Variants in BTG4 observed in about 807,000 individuals in gnomAD.
BTG4 encodes BTG anti-proliferation factor 4.
In BTG4, 10 loss-of-function variants were observed where a neutral mutation model predicts 19.3. The observed-to-expected ratio is 0.52, with a 90% CI of 0.32 to 0.88. The LOEUF (loss-of-function observed/expected upper bound fraction) is 0.88, where lower values mean the gene tolerates loss of function less well. BTG4 is among the 40% of genes least tolerant of loss of function. The probability of loss-of-function intolerance (pLI) is 0.04; values close to 1 mark genes in which losing one functional copy is unlikely to be tolerated. For missense variants in BTG4, 238 were observed against 281.9 expected, an observed-to-expected ratio of 0.84 and a Z score of 1.11; for synonymous variants, 91 against 95.7, an observed-to-expected ratio of 0.95 and a Z score of 0.29.
At chr11:111,453,322 C>G in the BTG4 span, 1 of 363,718 alleles carries the variant, frequency 2.7e-6, no homozygotes, top group South Asian at 2.1e-5. Context: ...CGGTGAAGTG[C>G]GACCTGTTTC....
the BTG4 span, among the ~76,000 whole-genome samples, chr11:111,407,802 G>C: frequency 6.6e-6 from 1 of 152,252 alleles, no homozygotes; most frequent in Non-Finnish European, 1.5e-5. Context: ...CTCATCCTCA[G>C]AGAGGGTAAG....
chr11:111,476,507 T>A (rs928915236), intron 5 of BTG4, among the ~76,000 whole-genome samples: 3 of 152,158 alleles, frequency 2.0e-5, no homozygotes, highest in Non-Finnish European at 4.4e-5. Context: ...ATCAGGAACT[T>A]CTGCTCAGAA....
chr11:111,463,213 T>C (rs1863508442), downstream of BTG4: 1 of 152,578 alleles, frequency 6.6e-6, no homozygotes, highest in Non-Finnish European at 1.5e-5. Flanking sequence ...GATCTGTATT[T>C]CCATCTTTGA....
chr11:111,421,306 C>T, the BTG4 span, among the ~76,000 whole-genome samples: 1 of 152,170 alleles, frequency 6.6e-6, no homozygotes, highest in Non-Finnish European at 1.5e-5. Context: ...TCAGCCCTCC[C>T]CTTTACCTAA....
intron 4 of BTG4, 129 bp from the exon 5 acceptor site, chr11:111,495,443 A>G (rs548951507): frequency 1.5e-5 from 11 of 735,598 alleles, no homozygotes; most frequent in South Asian, 1.3e-4. Flanking sequence ...GTGCATAACC[A>G]TCTTTGAAAA....
At chr11:111,422,222 G>A in the BTG4 span, among the ~76,000 whole-genome samples, 2 of 152,132 alleles carry the variant, frequency 1.3e-5, no homozygotes. Flanking sequence ...CGTTCCTCCA[G>A]CTCTGAGCCA....
At chr11:111,414,161 G>A in the BTG4 span, 11 of 152,224 alleles carry the variant, frequency 7.2e-5, no homozygotes, top group African/African-American at 2.2e-4. Flanking sequence ...CTTTATTGGT[G>A]ATTGGTTTAA....
In BTG4 at chr11:111,499,517, A is replaced by G. The variant is rs775279018; in HGVS notation, c.-26-715T>C. Among the ~76,000 whole-genome samples, 8 of 152,174 alleles carry G rather than the reference A, an allele frequency of 5.3e-5. 1 individual carries two copies. The South Asian group carries it at 1.2e-3, about 24-fold the overall frequency. On this transcript the variant is annotated intron_variant, in intron 1 of 4. Transcript: ENST00000692032. Reference sequence around the variant, plus strand: ...CTATTTGAAGTGTTTAAAATTTTCAAACTGGATCTATATTTTCTATTTTGC... The same window carrying G: ...CTATTTGAAGTGTTTAAAATTTTCAGACTGGATCTATATTTTCTATTTTGC...
At chr11:111,404,818 T>C in the BTG4 span, 1 of 365,276 alleles carries the variant, frequency 2.7e-6, no homozygotes, top group Non-Finnish European at 5.4e-6. Flanking sequence ...ATTAGCAGCA[T>C]GTTCCCTTTA....
At chr11:111,389,025 G>A in the BTG4 span, among the ~76,000 whole-genome samples, 12 of 152,300 alleles carry the variant, frequency 7.9e-5, no homozygotes, top group Admixed American at 2.6e-4. Flanking sequence ...ATGAAAATAG[G>A]AATTACAATA....
chr11:111,476,869 G>T (rs1286377811), intron 5 of BTG4, among the ~76,000 whole-genome samples: 1 of 152,142 alleles, frequency 6.6e-6, no homozygotes, highest in East Asian at 1.9e-4. Flanking sequence ...GTCTTAGTTT[G>T]ATTTAATATT....
chr11:111,488,345 C>T (rs989668244), intron 5 of BTG4, among the ~76,000 whole-genome samples: 4 of 152,094 alleles, frequency 2.6e-5, no homozygotes, highest in African/African-American at 9.7e-5. Flanking sequence ...AAAGAACATA[C>T]ACTAGGGACA....
chr11:111,486,185 C>T (rs773180097), intron 5 of BTG4, among the ~76,000 whole-genome samples: 16 of 152,314 alleles, frequency 1.1e-4, no homozygotes, highest in Non-Finnish European at 2.1e-4. Context: ...CCTGTAATCC[C>T]AGCACTTTGG....
At chr11:111,456,747 C>T in the BTG4 span, 1 of 318,532 alleles carries the variant, frequency 3.1e-6, no homozygotes, top group African/African-American at 2.1e-5. The surrounding 1 kb of genome is among the most constrained non-coding windows in gnomAD (Gnocchi z 4.2). Context: ...CCGGTGAGCC[C>T]CTGGCCCACT....
intron 1 of BTG4, among the ~76,000 whole-genome samples, chr11:111,499,959 T>C (rs1865966691): frequency 6.6e-6 from 1 of 151,986 alleles, no homozygotes; most frequent in Non-Finnish European, 1.5e-5. Context: ...CTGGCCAACA[T>C]GGTGAAACCC....
the BTG4 span, among the ~76,000 whole-genome samples, chr11:111,390,236 T>G: frequency 6.6e-6 from 1 of 152,200 alleles, no homozygotes; most frequent in South Asian, 2.1e-4. Context: ...ATTCATTCAT[T>G]CATGCACTCA....
the BTG4 span, among the ~76,000 whole-genome samples, chr11:111,454,682 T>C: frequency 6.6e-6 from 1 of 152,170 alleles, no homozygotes; most frequent in East Asian, 1.9e-4. Flanking sequence ...TGCCAGTAGA[T>C]GGCAGGCATT....
At chr11:111,509,251 G>T (rs1439161362) in intron 1 of BTG4, among the ~76,000 whole-genome samples, 1 of 152,036 alleles carries the variant, frequency 6.6e-6, no homozygotes, top group Non-Finnish European at 1.5e-5. Flanking sequence ...TTCTTCAAAG[G>T]CACTGAATTG....
downstream of BTG4, among the ~76,000 whole-genome samples, chr11:111,466,334 T>C (rs766077197): frequency 2.6e-5 from 4 of 152,222 alleles, no homozygotes; most frequent in Non-Finnish European, 5.9e-5. Context: ...ATTACAGACA[T>C]TCCGTACAGA....
Sources: allele counts gnomAD v4.1 joint callset (sites outside exome capture counted in the v4.1 genomes callset), GRCh38; gene constraint gnomAD v4.1.1; non-coding constraint Gnocchi (gnomAD v3.1); transcripts MANE v1.5; gene names NCBI Gene and HGNC (gene_info 2026-07-23, HGNC 2026-07-21).